The following DCAF8L2 variants were observed in gnomAD, a reference collection of about 807,000 sequenced individuals.
DCAF8L2 encodes the protein DDB1 and CUL4 associated factor 8 like 2, also known as DDB1- and CUL4-associated factor 8-like protein 2.
For synonymous variants in DCAF8L2, 200 were observed against 190.9 expected (o/e 1.05, Z -0.39); for missense variants, 430 against 490.7 (o/e 0.88, Z 1.17).
At chrX:27,741,402 C>T (rs1921836901) in intron 4 of DCAF8L2, among the ~76,000 whole-genome samples, 3 of 107,866 alleles carry the variant, frequency 2.8e-5, no homozygotes, top group Admixed American at 2.0e-4. Context: ...TAGCCTAGCC[C>T]GCCCCTGCCC....
chrX:27,482,287 A>G, the DCAF8L2 span, among the ~76,000 whole-genome samples: 1 of 111,705 alleles, frequency 9.0e-6, no homozygotes, highest in Non-Finnish European at 1.9e-5. Context: ...TTGGTATGAC[A>G]GAGAAGAGAA....
the DCAF8L2 span, among the ~76,000 whole-genome samples, chrX:27,473,178 A>C: frequency 8.9e-6 from 1 of 112,089 alleles, no homozygotes; most frequent in Admixed American, 9.5e-5. Flanking sequence ...CATTTCTAAA[A>C]ATTTTGTATG....
intron 3 of DCAF8L2, among the ~76,000 whole-genome samples, chrX:27,698,017 T>A (rs1231918179): frequency 9.0e-6 from 1 of 111,188 alleles, no homozygotes; most frequent in Non-Finnish European, 1.9e-5. Context: ...AATTTAAAAT[T>A]TTTTTTATTA....
the DCAF8L2 span, among the ~76,000 whole-genome samples, chrX:27,505,847 A>G: frequency 1.8e-5 from 2 of 112,301 alleles, no homozygotes; most frequent in Non-Finnish European, 3.8e-5. Flanking sequence ...TGTCAGGGAA[A>G]CAATAATTGT....
chrX:27,683,782 A>G (rs1490863310), intron 3 of DCAF8L2, among the ~76,000 whole-genome samples: 3 of 111,998 alleles, frequency 2.7e-5, no homozygotes, highest in African/African-American at 9.7e-5. Flanking sequence ...TGGTGTAAGG[A>G]TAACTCAGAC....
intron 3 of DCAF8L2, among the ~76,000 whole-genome samples, chrX:27,684,267 G>A (rs2147244391): frequency 9.0e-6 from 1 of 111,451 alleles, no homozygotes; most frequent in Non-Finnish European, 1.9e-5. Flanking sequence ...CAAAGGGGAA[G>A]CAGTATGGGA....
intron 1 of DCAF8L2, among the ~76,000 whole-genome samples, chrX:27,592,410 TG>T (rs1474683490): frequency 1.8e-5 from 1 of 56,772 alleles, no homozygotes; most frequent in African/African-American, 7.2e-5. Flanking sequence ...TTTTTTTGTT[TG>T]TTTTTGTTTT....
intron 2 of DCAF8L2, among the ~76,000 whole-genome samples, chrX:27,666,937 A>G (rs1348282984): frequency 8.9e-6 from 1 of 112,140 alleles, no homozygotes; most frequent in African/African-American, 3.2e-5. Flanking sequence ...TAATGTACAT[A>G]TGAATCAATG....
chrX:27,541,443 C>G, the DCAF8L2 span, among the ~76,000 whole-genome samples: 20 of 107,190 alleles, frequency 1.9e-4, no homozygotes, highest in African/African-American at 6.8e-4. Flanking sequence ...GATCTCAGCT[C>G]ACGGCAACCT....
At chrX:27,628,164 C>A in intron 1 of DCAF8L2, among the ~76,000 whole-genome samples, 1 of 111,498 alleles carries the variant, frequency 9.0e-6, no homozygotes, top group Non-Finnish European at 1.9e-5. Context: ...ATAGATACCT[C>A]ATATAAGTGA....
chrX:27,684,256 A>G (rs770577212), intron 3 of DCAF8L2, among the ~76,000 whole-genome samples: 2 of 111,432 alleles, frequency 1.8e-5, no homozygotes, highest in Non-Finnish European at 3.8e-5. Context: ...TCATTAGGAA[A>G]CAAAGGGGAA....
intron 2 of DCAF8L2, chrX:27,633,445 C>T (rs1238173540): frequency 8.9e-6 from 1 of 111,791 alleles, no homozygotes; most frequent in African/African-American, 3.3e-5. Flanking sequence ...AGAATATAAG[C>T]CAATAGAGCC....
At chrX:27,483,193 G>T in the DCAF8L2 span, among the ~76,000 whole-genome samples, 1 of 111,144 alleles carries the variant, frequency 9.0e-6, no homozygotes, top group African/African-American at 3.3e-5. Context: ...ATCAATAAAA[G>T]ATAGTGTTCA....
At chrX:27,576,310 C>G in the DCAF8L2 span, among the ~76,000 whole-genome samples, 1 of 112,102 alleles carries the variant, frequency 8.9e-6, no homozygotes, top group Non-Finnish European at 1.9e-5. Context: ...CACAGTTCAA[C>G]TTGAGTCTTA....
At chrX:27,706,637 T>A (rs1210144985) in intron 3 of DCAF8L2, among the ~76,000 whole-genome samples, 2 of 111,817 alleles carry the variant, frequency 1.8e-5, no homozygotes, top group Admixed American at 9.5e-5. Flanking sequence ...ATGAAAAGTG[T>A]TGGCAAGGAC....
At chrX:27,543,029 C>T in the DCAF8L2 span, among the ~76,000 whole-genome samples, 6 of 112,100 alleles carry the variant, frequency 5.4e-5, no homozygotes, top group South Asian at 1.8e-3. Context: ...GTTGCAGTTG[C>T]TTTTGAGGAC....
chrX:27,625,363 T>C (rs759954441), intron 1 of DCAF8L2, among the ~76,000 whole-genome samples: 2 of 111,813 alleles, frequency 1.8e-5, no homozygotes, highest in African/African-American at 6.5e-5. Flanking sequence ...CTGGTGAGGT[T>C]ATAGAGAAAA....
chrX:27,718,146 A>G (rs1931765488), intron 4 of DCAF8L2, among the ~76,000 whole-genome samples: 1 of 111,739 alleles, frequency 8.9e-6, no homozygotes, highest in South Asian at 3.7e-4. Flanking sequence ...TATAGATCCA[A>G]AAATTCCATA....
chrX:27,728,003 G>C (rs1167645329), intron 4 of DCAF8L2, among the ~76,000 whole-genome samples: 2 of 111,197 alleles, frequency 1.8e-5, no homozygotes, highest in Admixed American at 9.6e-5. Context: ...AGTTCTACCT[G>C]GGTTCTGACC....
Sources: gnomAD v4.1 joint callset for allele counts (sites outside exome capture counted in the v4.1 genomes callset) on GRCh38, gnomAD v4.1.1 for gene constraint, MANE v1.5 for transcripts, NCBI Gene and HGNC (gene_info 2026-07-23, HGNC 2026-07-21) for gene names.